TCF24: variants seen among roughly 807,000 people sequenced by gnomAD.
TCF24 encodes the protein transcription factor 24.
In TCF24, 5 loss-of-function variants were observed where a neutral mutation model predicts 9.3. That is an observed-to-expected ratio of 0.54 (90% CI 0.28 to 1.13). TCF24 has a LOEUF of 1.13. Among genes scored for constraint, TCF24 ranks in the 50% most tolerant of loss-of-function variants. The pLI is 0.09. For missense variants in TCF24, 220 were observed against 236.1 expected, an observed-to-expected ratio of 0.93 and a Z score of 0.45; for synonymous variants, 110 against 115.8, an observed-to-expected ratio of 0.95 and a Z score of 0.32.
chr8:66,948,173 G>C lies in TCF24; in HGVS notation c.391-9C>G. On this transcript the variant is annotated splice_polypyrimidine_tract_variant and intron_variant, in intron 3 of 3. Coordinates refer to ENST00000563496, the MANE Select transcript of TCF24 (RefSeq NM_001193502.2). ...GATCGCATGGGCCATTTCTGAAAAA[G>C]ATTATTTCAACAAGAATTCAAAAGT... 6.6e-7 allele frequency: 1 copy of C among 1,522,598 alleles called. No individual in the cohort carries two copies. Among genetic ancestry groups the C allele is most frequent in the Non-Finnish European group, 8.8e-7 (1 of 1,140,630 alleles). The allele number at this position is 1,522,598 out of a possible 1,614,324, so 94.3% of individuals were successfully genotyped here.
chr8:66,961,603 C>T lies in TCF24; in HGVS notation c.163G>A (p.Ala55Thr), dbSNP rs757427106. 7.7e-7 allele frequency: 1 copy of T among 1,306,194 alleles called. No homozygotes were observed. The highest frequency in any genetic ancestry group is 9.7e-7 in the Non-Finnish European group (1 of 1,029,394). The allele number at this position is 1,306,194 out of a possible 1,614,324, so 80.9% of individuals were successfully genotyped here. The change falls in exon 3 of 4, where the codon GCG becomes ACG. Residue 55 changes from alanine to threonine, a missense_variant. Coordinates refer to ENST00000563496, the MANE Select transcript of TCF24 (RefSeq NM_001193502.2). ...SGSGRPAAAN[A>T]ARERSRVQTL... ...TGCACCCGGCTGCGCTCCCGCGCCGCATTCGCCGCCGCCGGCCGCCCGCTC... is the reference window on the plus strand; with the variant it reads ...TGCACCCGGCTGCGCTCCCGCGCCGTATTCGCCGCCGCCGGCCGCCCGCTC...
At chr8:66,957,012 G>A (rs1345743390) in intron 3 of TCF24, among the ~76,000 whole-genome samples, 1 of 150,760 alleles carries the variant, frequency 6.6e-6, no homozygotes, top group East Asian at 1.9e-4. Context: ...AAACCATCCT[G>A]GGCAACATGG....
At chr8:66,953,608 C>A (rs1057173069) in intron 3 of TCF24, among the ~76,000 whole-genome samples, 4 of 151,286 alleles carry the variant, frequency 2.6e-5, no homozygotes, top group African/African-American at 7.3e-5. Flanking sequence ...ATCTTTGTGG[C>A]GTTCTCTGTA....
At position 66,947,790 on chromosome 8, in the gene TCF24, TTTG is replaced by T. The variant is rs371410276; in HGVS notation, c.*258_*260del. ...CATTCTTTAGCTATATACACAATTG[TTTG>T]CTTTCATGTGACTTTTTTCTAATAA... On this transcript the variant is annotated 3_prime_UTR_variant, in exon 4 of 4. Coordinates refer to ENST00000563496, the MANE Select transcript of TCF24 (RefSeq NM_001193502.2). 1.5e-5 allele frequency: 4 copies of T among 270,956 alleles called. No individual in the cohort carries two copies. The highest frequency in any genetic ancestry group is 8.7e-5 in the African/African-American group (4 of 45,812). The allele number at this position is 270,956 out of a possible 1,614,324, so 16.8% of individuals were successfully genotyped here. A position where few individuals can be genotyped will look rare whatever the true frequency, so the allele number is the denominator to read the frequency against.
At chr8:66,957,762 C>T (rs1051367880) in intron 3 of TCF24, among the ~76,000 whole-genome samples, 1 of 151,936 alleles carries the variant, frequency 6.6e-6, no homozygotes, top group African/African-American at 2.4e-5. Context: ...AAATCTCATG[C>T]TCAAATGTCA....
At chr8:66,953,859 C>CAT in intron 3 of TCF24, among the ~76,000 whole-genome samples, 1 of 151,938 alleles carries the variant, frequency 6.6e-6, no homozygotes, top group Non-Finnish European at 1.5e-5. Flanking sequence ...TCTTCCATTG[C>CAT]TGATACCCTT....
rs1458844683 is a variant in TCF24 at position 66,961,577 on chromosome 8, C to T, written c.189G>A (p.Gln63=). Residue 63 remains glutamine, a synonymous_variant, in exon 3 of 4, where the codon CAG becomes CAA. Transcript: ENST00000563496. ...ANAARERSRV[Q]TLRHAFLELQ... is the part of the protein sequence containing the mutation. ...GCTCCAGGAAAGCGTGCCGCAGGGTCTGCACCCGGCTGCGCTCCCGCGCCG... is the reference window on the plus strand; with the variant it reads ...GCTCCAGGAAAGCGTGCCGCAGGGTTTGCACCCGGCTGCGCTCCCGCGCCG... 7.0e-7 allele frequency: 1 copy of T among 1,420,280 alleles called. No homozygotes were observed. The highest frequency in any genetic ancestry group is 9.2e-7 in the Non-Finnish European group (1 of 1,087,332). The allele number at this position is 1,420,280 out of a possible 1,614,324, so 88.0% of individuals were successfully genotyped here.
intron 3 of TCF24, among the ~76,000 whole-genome samples, chr8:66,956,122 T>C (rs2130900706): frequency 6.6e-6 from 1 of 152,166 alleles, no homozygotes; most frequent in African/African-American, 2.4e-5. Context: ...TTTGTTTGTT[T>C]GTTTGTTTTT....
intron 3 of TCF24, among the ~76,000 whole-genome samples, chr8:66,954,675 G>A (rs1219925667): frequency 3.3e-5 from 5 of 150,514 alleles, no homozygotes; most frequent in South Asian, 2.1e-4. Context: ...GGGCAATGGC[G>A]GGCGCCCCTC....
chr8:66,949,553 C>T (rs898364263), intron 3 of TCF24, among the ~76,000 whole-genome samples: 13 of 151,998 alleles, frequency 8.6e-5, no homozygotes, highest in African/African-American at 1.9e-4. Context: ...TGAATAATGC[C>T]GCAATAAACA....
chr8:66,960,685 C>T (rs1024846248), intron 3 of TCF24, among the ~76,000 whole-genome samples: 4 of 152,168 alleles, frequency 2.6e-5, no homozygotes, highest in Admixed American at 2.0e-4. Context: ...AAAATGGATT[C>T]TCTTGTCTAA....
intron 3 of TCF24, among the ~76,000 whole-genome samples, chr8:66,956,104 C>CTTGTTTGT (rs373546164): frequency 6.6e-6 from 1 of 151,540 alleles, no homozygotes; most frequent in Non-Finnish European, 1.5e-5. Context: ...TAATTAAAAA[C>CTTGTTTGT]TTGTTTGTTT....
rs1813980931 is a variant in TCF24 at position 66,947,414 on chromosome 8, AG to A, written c.*636del. On this transcript the variant is annotated 3_prime_UTR_variant, in exon 4 of 4. Transcript: ENST00000563496. The stretch of plus-strand genomic sequence containing the variant: ...TGGTCTCCTGTTCACACTGGACTGC[AG>A]GGATTCCCAGTGCCTTCCACAAGTT... 6.6e-6 allele frequency: 1 copy of A among 152,266 alleles called. No homozygotes were observed. Among genetic ancestry groups the A allele is most frequent in the African/African-American group, 2.4e-5 (1 of 41,472 alleles). The allele number at this position is 152,266 out of a possible 1,614,324, so 9.4% of individuals were successfully genotyped here.
intron 3 of TCF24, among the ~76,000 whole-genome samples, chr8:66,954,012 A>C (rs1041708443): frequency 2.0e-5 from 3 of 151,802 alleles, no homozygotes; most frequent in Non-Finnish European, 4.4e-5. Flanking sequence ...TTTTTTTCAA[A>C]GTTTTCAACT....
intron 3 of TCF24, chr8:66,954,915 G>C (rs1351092618): frequency 6.5e-6 from 1 of 153,302 alleles, no homozygotes; most frequent in African/African-American, 2.4e-5. Flanking sequence ...GACCCCTTGC[G>C]CTTCCCAAGT....
At chr8:66,948,707 T>C (rs200529243) in intron 3 of TCF24, among the ~76,000 whole-genome samples, 3 of 117,042 alleles carry the variant, frequency 2.6e-5, no homozygotes, top group South Asian at 2.6e-4. Context: ...ATCTATCTAT[T>C]TTTTTTGAGA....
chr8:66,961,610 C>G lies in TCF24; in HGVS notation c.156G>C (p.Ala52=), dbSNP rs1814256332. Residue 52 remains alanine (A), a synonymous_variant, in exon 3 of 4, where the codon GCG becomes GCC. Transcript: ENST00000563496. ...GSRSGSGRPA[A]ANAARERSRV... The stretch of plus-strand genomic sequence containing the variant: ...GGCTGCGCTCCCGCGCCGCATTCGC[C>G]GCCGCCGGCCGCCCGCTCCCGGAAC... 7.8e-7 allele frequency: 1 copy of G among 1,286,656 alleles called. No individual in the cohort carries two copies. Among genetic ancestry groups the G allele is most frequent in the South Asian group, 2.7e-5 (1 of 37,088 alleles). The allele number at this position is 1,286,656 out of a possible 1,614,324, so 79.7% of individuals were successfully genotyped here.
In TCF24 at chr8:66,957,602, A is replaced by C. The variant is rs1038102891; in HGVS notation, c.390+3774T>G. ...GTGGGAAAATAAATTTCTGTTGTTT[A>C]AAAGAGCCAGTCTGTGGTATTTTGT... On this transcript the variant is annotated intron_variant, in intron 3 of 3. Coordinates refer to ENST00000563496, the MANE Select transcript of TCF24 (RefSeq NM_001193502.2). Among the ~76,000 whole-genome samples, 4 of 152,130 alleles carry C rather than the reference A, an allele frequency of 2.6e-5. 1 individual carries two copies. The highest frequency in any genetic ancestry group is 5.9e-5 in the Non-Finnish European group (4 of 68,026).
At chr8:66,957,783 G>C (rs536394832) in intron 3 of TCF24, among the ~76,000 whole-genome samples, 10 of 149,492 alleles carry the variant, frequency 6.7e-5, no homozygotes, top group Middle Eastern at 3.4e-3. Flanking sequence ...AATGTAAATT[G>C]AGAATTATAT....
Sources: gnomAD v4.1 joint callset for allele counts (sites outside exome capture counted in the v4.1 genomes callset) on GRCh38, gnomAD v4.1.1 for gene constraint, MANE v1.5 for transcripts, NCBI Gene and HGNC (gene_info 2026-07-23, HGNC 2026-07-21) for gene names.